The following NF1 variants were observed in gnomAD, a reference collection of about 807,000 sequenced individuals.
The protein encoded by NF1 is neurofibromin.
NF1 carries 122 observed loss-of-function variants against 325.7 expected under a neutral mutation model. The ratio of observed to expected loss-of-function variants is 0.37; its 90% CI spans 0.32 to 0.44. The LOEUF is 0.44. Ranked by LOEUF, NF1 falls within the 20% of genes least tolerant of loss-of-function variation. NF1 has a pLI of 1.00. For missense variants in NF1, 2,140 were observed against 3,415.4 expected (o/e 0.63, Z 9.31); for synonymous variants, 1,091 against 1,186.0 (o/e 0.92, Z 1.65).
chr17:31,129,948 G>A (rs369773999), intron 1 of NF1, among the ~76,000 whole-genome samples: 7 of 152,054 alleles, frequency 4.6e-5, no homozygotes, highest in Admixed American at 6.6e-5. Context: ...AACCCTTGCC[G>A]GAGAGCTAGT....
rs563566750 is a variant in NF1 at position 31,218,560 on chromosome 17, T to TTTTTTTC, written c.1528-431_1528-425dup. Among the ~76,000 whole-genome samples, 542 of 150,592 alleles carry TTTTTTTC rather than the reference T, an allele frequency of 3.6e-3. 5 individuals are homozygous for TTTTTTTC. The highest frequency in any genetic ancestry group is 0.013 in the African/African-American group (514 of 40,126). On this transcript the variant is annotated intron_variant, in intron 13 of 57. Transcript: ENST00000358273. ...CTAGAACTTTTTTTTCTTTCTTTCT[T>TTTTTTTC]TTTTTTCTTTTTTCTTTTTTTCTTT...
intron 15 of NF1, 83 bp downstream of exon 15, chr17:31,222,012 AG>A (rs2066932571): frequency 7.3e-7 from 1 of 1,373,638 alleles, no homozygotes. Flanking sequence ...TGTAGTACTT[AG>A]TACATTGTAA....
intron 37 of NF1, among the ~76,000 whole-genome samples, chr17:31,326,518 G>A (rs1238109145): frequency 6.6e-6 from 1 of 152,104 alleles, no homozygotes; most frequent in Non-Finnish European, 1.5e-5. Flanking sequence ...TATGGTGGTG[G>A]GCACCTGTAA....
chr17:31,266,285 T>A (rs1020680994), intron 36 of NF1, among the ~76,000 whole-genome samples: 1 of 152,198 alleles, frequency 6.6e-6, no homozygotes, highest in Non-Finnish European at 1.5e-5. Flanking sequence ...GGTTGAGAAA[T>A]AGTAGAGAGA....
rs923810267 is a variant in NF1, at chr17:31,374,961, G to T, written c.*806G>T. 3 of 215,448 alleles carry T rather than the reference G, an allele frequency of 1.4e-5. No homozygotes were observed. The highest frequency in any genetic ancestry group is 2.8e-5 in the Non-Finnish European group (3 of 106,704). The allele number at this position is 215,448 out of a possible 1,614,324, so 13.3% of individuals were successfully genotyped here. On this transcript the variant is annotated 3_prime_UTR_variant, in exon 58 of 58. Transcript: ENST00000358273. ...TTAATTTTTAATTTTGCTAAAGGTG[G>T]TTTTTTTGTGTTTTGTTTTTTGTAA...
chr17:31,332,153 C>A (rs1448754703), intron 39 of NF1, among the ~76,000 whole-genome samples: 2 of 151,566 alleles, frequency 1.3e-5, no homozygotes, highest in Admixed American at 6.6e-5. Flanking sequence ...ACACTTGGAG[C>A]AAATATGAGA....
intron 24 of NF1, 65 bp downstream of exon 24, chr17:31,230,990 C>A (rs893818558): frequency 8.5e-7 from 1 of 1,178,470 alleles, no homozygotes; most frequent in Non-Finnish European, 1.2e-6. Flanking sequence ...TACTTAATTA[C>A]AGCTTTATAC....
In NF1 at chr17:31,356,970, G is replaced by A. The variant is rs2151582197; in HGVS notation, c.7749G>A (p.Arg2583=). The change falls in exon 53 of 58, where the codon AGG becomes AGA. Residue 2583 remains arginine, a synonymous_variant. Coordinates refer to ENST00000358273, the MANE Select transcript of NF1 (RefSeq NM_001042492.3). ...AETDYEMETQ[R]ISSSQQHPHL... ...CCTATCTTGCTGCAGAAACTCAGAG[G>A]ATTTCCTCATCACAACAGCACCCAC... 1 of 1,613,842 alleles carries A rather than the reference G, an allele frequency of 6.2e-7. No individual in the cohort carries two copies. The highest frequency in any genetic ancestry group is 1.7e-4 in the Middle Eastern group (1 of 6,060).
At chr17:31,104,165 T>G (rs780332830) in intron 1 of NF1, among the ~76,000 whole-genome samples, 1 of 152,356 alleles carries the variant, frequency 6.6e-6, no homozygotes, top group Middle Eastern at 3.4e-3. Flanking sequence ...TTTTACATCT[T>G]TGTTCTTTAA....
chr17:31,331,025 T>C (rs1193574317), intron 39 of NF1: 1 of 152,526 alleles, frequency 6.6e-6, no homozygotes, highest in Non-Finnish European at 1.5e-5. Flanking sequence ...TTTATATTTG[T>C]CCATCTTTAT....
At chr17:31,140,164 G>T (rs539951515) in intron 1 of NF1, among the ~76,000 whole-genome samples, 2 of 152,176 alleles carry the variant, frequency 1.3e-5, no homozygotes, top group African/African-American at 4.8e-5. Context: ...ATTAAACAAC[G>T]TATCATCTGG....
At chr17:31,318,446 G>T in intron 36 of NF1, 1 of 1,613,986 alleles carries the variant, frequency 6.2e-7, no homozygotes, top group South Asian at 1.1e-5. Context: ...GATTCAGCGG[G>T]CCATAGACCG....
intron 3 of NF1, 134 bp downstream of exon 3, chr17:31,159,227 G>A (rs2065721154): frequency 3.0e-6 from 2 of 674,054 alleles, no homozygotes; most frequent in East Asian, 5.6e-5. Flanking sequence ...TATGAGTTTT[G>A]TTAATATAGC....
At position 31,095,080 on chromosome 17, in the gene NF1, C is replaced by T; in HGVS notation, c.-230C>T. ...GAGGCCCCCTCCCCTCCCCGGGTCC[C>T]CTTCCCCTATCCCCCTCCCCCCAGC... On this transcript the variant is annotated 5_prime_UTR_variant, in exon 1 of 58. Transcript: ENST00000358273. 2.2e-6 allele frequency: 1 copy of T among 445,052 alleles called. No homozygotes were observed. Among genetic ancestry groups the T allele is most frequent in the Admixed American group, 4.0e-5 (1 of 25,164 alleles). 27.6% of individuals were successfully genotyped at this position (445,052 alleles called of 1,614,324 possible).
chr17:31,330,853 A>T (rs1597835382), intron 39 of NF1: 1 of 202,104 alleles, frequency 4.9e-6, no homozygotes, highest in East Asian at 1.3e-4. Context: ...TTGCCTCCTT[A>T]ATTTTAGAGA....
At chr17:31,358,414 T>C (rs1369106762) in intron 54 of NF1, 66 bp from the exon 55 acceptor site, 1 of 1,479,738 alleles carries the variant, frequency 6.8e-7, no homozygotes, top group Non-Finnish European at 9.3e-7. Flanking sequence ...TATTATGTTT[T>C]CCACTACATA....
intron 1 of NF1, among the ~76,000 whole-genome samples, chr17:31,097,555 T>A (rs1911858552): frequency 6.6e-6 from 1 of 152,078 alleles, no homozygotes; most frequent in Non-Finnish European, 1.5e-5. Flanking sequence ...TTAAAAGACC[T>A]TAAGGCTTCG....
At chr17:31,226,894 A>AT (rs1258696851) in intron 18 of NF1, among the ~76,000 whole-genome samples, 1 of 152,210 alleles carries the variant, frequency 6.6e-6, no homozygotes, top group African/African-American at 2.4e-5. Context: ...TATGCTATAC[A>AT]TTTTAAAAAT....
chr17:31,243,184 C>CTG (rs377472053), intron 29 of NF1, among the ~76,000 whole-genome samples: 7,448 of 137,532 alleles, frequency 0.054, 233 homozygotes, highest in Admixed American at 0.088. Flanking sequence ...CTCTCTCTGT[C>CTG]TGTGTGTGTG....
Sources: gnomAD v4.1 joint callset for allele counts (sites outside exome capture counted in the v4.1 genomes callset) on GRCh38, gnomAD v4.1.1 for gene constraint, MANE v1.5 for transcripts, NCBI Gene and HGNC (gene_info 2026-07-23, HGNC 2026-07-21) for gene names.